The following CAST variants were observed in gnomAD, a reference collection of about 807,000 sequenced individuals.
CAST encodes the protein calpastatin.
In CAST, 76 loss-of-function variants were observed where a neutral mutation model predicts 119.6. That is an observed-to-expected ratio of 0.64 (90% CI 0.53 to 0.77). The LOEUF is 0.77. Ranked by LOEUF, CAST falls within the 30% of genes least tolerant of loss-of-function variation. The pLI is 0.00. For synonymous variants in CAST, 319 were observed against 331.6 expected, an observed-to-expected ratio of 0.96 and a Z score of 0.41; for missense variants, 953 against 946.5, an observed-to-expected ratio of 1.01 and a Z score of -0.09.
the CAST span, among the ~76,000 whole-genome samples, chr5:96,419,310 G>GATATAT: frequency 1.4e-5 from 2 of 142,198 alleles, no homozygotes; most frequent in African/African-American, 2.6e-5. Context: ...TATTAAGTGA[G>GATATAT]ATATATATAT....
At chr5:96,755,975 C>T (rs1766229891) in intron 22 of CAST, among the ~76,000 whole-genome samples, 1 of 152,202 alleles carries the variant, frequency 6.6e-6, no homozygotes, top group South Asian at 2.1e-4. Context: ...TGCTCTCTCC[C>T]TTTACTGAAT....
intron 4 of CAST, 174 bp from the exon 5 acceptor site, chr5:96,726,620 C>G (rs1420050970): frequency 6.1e-6 from 3 of 493,648 alleles, no homozygotes; most frequent in Admixed American, 3.8e-5. Context: ...GAAATATCTG[C>G]TTAGGACCTT....
chr5:96,033,661 A>T, the CAST span, among the ~76,000 whole-genome samples: 17 of 152,302 alleles, frequency 1.1e-4, no homozygotes, highest in African/African-American at 4.1e-4. Flanking sequence ...GAGTGGATTA[A>T]AGACTTAAAC....
chr5:95,984,767 T>G, the CAST span, among the ~76,000 whole-genome samples: 2 of 152,196 alleles, frequency 1.3e-5, no homozygotes, highest in African/African-American at 4.8e-5. Context: ...ATACAAGTAC[T>G]GAGTACTTGA....
At chr5:95,978,090 A>G in the CAST span, among the ~76,000 whole-genome samples, 1 of 152,092 alleles carries the variant, frequency 6.6e-6, no homozygotes, top group South Asian at 2.1e-4. Flanking sequence ...TACTATTGTG[A>G]ATAGTGCTGG....
the CAST span, among the ~76,000 whole-genome samples, chr5:96,102,887 A>G: frequency 6.6e-6 from 1 of 152,170 alleles, no homozygotes; most frequent in African/African-American, 2.4e-5. Context: ...CCAATCTATT[A>G]TGGGAGGCTT....
chr5:96,311,978 A>G, the CAST span, among the ~76,000 whole-genome samples: 1 of 151,812 alleles, frequency 6.6e-6, no homozygotes, highest in African/African-American at 2.4e-5. Flanking sequence ...GTTGTTTTGT[A>G]GATACTTTGT....
chr5:96,328,309 G>A, the CAST span, among the ~76,000 whole-genome samples: 4 of 150,528 alleles, frequency 2.7e-5, no homozygotes, highest in African/African-American at 9.8e-5. Flanking sequence ...GTTATCTTCT[G>A]ATTTGTTTTT....
chr5:96,208,425 A>G, the CAST span, among the ~76,000 whole-genome samples: 1 of 151,628 alleles, frequency 6.6e-6, no homozygotes, highest in African/African-American at 2.4e-5. Context: ...GGTTACTAAT[A>G]TGAATGAGAT....
chr5:96,646,989 A>G (rs138913437), intron 1 of CAST, among the ~76,000 whole-genome samples: 7 of 152,312 alleles, frequency 4.6e-5, no homozygotes, highest in African/African-American at 1.7e-4. Flanking sequence ...TAATGAATAT[A>G]CCATCTCCCA....
the CAST span, among the ~76,000 whole-genome samples, chr5:96,120,662 A>G: frequency 6.8e-6 from 1 of 148,014 alleles, no homozygotes; most frequent in African/African-American, 2.5e-5. Context: ...TATATAATAT[A>G]CATATATAAT....
At chr5:96,719,179 C>A (rs917634799) in intron 3 of CAST, among the ~76,000 whole-genome samples, 4 of 152,174 alleles carry the variant, frequency 2.6e-5, no homozygotes, top group African/African-American at 9.7e-5. Flanking sequence ...AAGCCCTTAC[C>A]TTCCCATCCT....
At chr5:96,266,762 T>C in the CAST span, among the ~76,000 whole-genome samples, 50 of 152,304 alleles carry the variant, frequency 3.3e-4, no homozygotes, top group African/African-American at 9.9e-4. Context: ...TGCAATGATA[T>C]AGATGTACAT....
intron 1 of CAST, among the ~76,000 whole-genome samples, chr5:96,626,416 A>AG (rs1747724597): frequency 6.6e-6 from 1 of 152,116 alleles, no homozygotes; most frequent in African/African-American, 2.4e-5. Flanking sequence ...TAACTGACAC[A>AG]GGCCTCTTGG....
the CAST span, among the ~76,000 whole-genome samples, chr5:96,295,820 C>T: frequency 5.9e-5 from 9 of 151,970 alleles, no homozygotes; most frequent in South Asian, 2.1e-4. Flanking sequence ...AAAAAATACA[C>T]GAAATGGTAT....
the CAST span, chr5:96,078,997 T>A: frequency 2.5e-6 from 1 of 403,182 alleles, no homozygotes; most frequent in Non-Finnish European, 4.9e-6. Flanking sequence ...CTAGACTTAA[T>A]ACCTGGGTGA....
chr5:96,468,793 C>T, the CAST span, among the ~76,000 whole-genome samples: 1 of 151,948 alleles, frequency 6.6e-6, no homozygotes, highest in Non-Finnish European at 1.5e-5. Flanking sequence ...GCTGCTCAAA[C>T]CAACACATCT....
the CAST span, among the ~76,000 whole-genome samples, chr5:96,066,719 G>T: frequency 6.6e-6 from 1 of 151,942 alleles, no homozygotes; most frequent in Admixed American, 6.6e-5. Flanking sequence ...GAGTACAGTG[G>T]TGTGATCATA....
At chr5:96,248,745 T>C in the CAST span, among the ~76,000 whole-genome samples, 1 of 152,268 alleles carries the variant, frequency 6.6e-6, no homozygotes, top group East Asian at 1.9e-4. Context: ...TGCCAACTTT[T>C]ACATATTCAT....
Sources: allele counts gnomAD v4.1 joint callset (sites outside exome capture counted in the v4.1 genomes callset), GRCh38; gene constraint gnomAD v4.1.1; transcripts MANE v1.5; gene names NCBI Gene and HGNC (gene_info 2026-07-23, HGNC 2026-07-21).